The following SLC24A2 variants were observed in gnomAD, a reference collection of about 807,000 sequenced individuals.
SLC24A2 encodes sodium/potassium/calcium exchanger 2.
In SLC24A2, 36 loss-of-function variants were observed where a neutral mutation model predicts 62.0. The observed-to-expected ratio is 0.58, with a 90% CI of 0.44 to 0.77. The LOEUF (loss-of-function observed/expected upper bound fraction) is 0.77. Ranked by LOEUF, SLC24A2 falls within the 30% of genes least tolerant of loss-of-function variation. The probability of loss-of-function intolerance (pLI) is 0.00; values close to 1 mark genes in which losing one functional copy is unlikely to be tolerated. For synonymous variants in SLC24A2, 358 were observed against 294.0 expected, an observed-to-expected ratio of 1.22 and a Z score of -2.23; for missense variants, 846 against 817.9, an observed-to-expected ratio of 1.03 and a Z score of -0.42.
chr9:19,620,811 A>C (rs2117902216), intron 3 of SLC24A2, among the ~76,000 whole-genome samples: 1 of 152,344 alleles, frequency 6.6e-6, no homozygotes, highest in African/African-American at 2.4e-5. Context: ...TCAGCGTAAA[A>C]GTTTGACAGG....
chr9:20,178,698 T>C, the SLC24A2 span, among the ~76,000 whole-genome samples: 3 of 152,162 alleles, frequency 2.0e-5, no homozygotes, highest in Non-Finnish European at 2.9e-5. Flanking sequence ...CTGGCTGGCA[T>C]TGACCCCTGC....
chr9:20,071,856 T>C, the SLC24A2 span, among the ~76,000 whole-genome samples: 2 of 152,056 alleles, frequency 1.3e-5, no homozygotes, highest in Admixed American at 1.3e-4. Context: ...ACCTCCTCTT[T>C]GGGTTTAATT....
chr9:19,793,176 G>A (rs1307617825), upstream of SLC24A2, among the ~76,000 whole-genome samples: 1 of 152,224 alleles, frequency 6.6e-6, no homozygotes, highest in Non-Finnish European at 1.5e-5. Flanking sequence ...GTTATGTTAT[G>A]ATAACAAAAA....
chr9:19,628,333 T>C (rs1483193507), intron 2 of SLC24A2, among the ~76,000 whole-genome samples: 1 of 152,182 alleles, frequency 6.6e-6, no homozygotes, highest in African/African-American at 2.4e-5. Flanking sequence ...CAATTAAAGG[T>C]TAATCTTTCT....
At chr9:20,054,814 A>G in the SLC24A2 span, among the ~76,000 whole-genome samples, 1 of 152,236 alleles carries the variant, frequency 6.6e-6, no homozygotes. Flanking sequence ...GTTAAATTAC[A>G]TAAGTAAATA....
chr9:19,700,321 C>T (rs909395556), intron 2 of SLC24A2, among the ~76,000 whole-genome samples: 1 of 152,134 alleles, frequency 6.6e-6, no homozygotes, highest in Non-Finnish European at 1.5e-5. Flanking sequence ...TGTTAGCTTT[C>T]TTCCTTTCTT....
chr9:20,106,233 G>C, the SLC24A2 span, among the ~76,000 whole-genome samples: 1 of 152,132 alleles, frequency 6.6e-6, no homozygotes, highest in Admixed American at 6.5e-5. Context: ...AAGAGTCCAG[G>C]AACAGATGGA....
intron 2 of SLC24A2, among the ~76,000 whole-genome samples, chr9:19,734,296 G>C (rs1821431417): frequency 6.6e-6 from 1 of 152,172 alleles, no homozygotes; most frequent in Admixed American, 6.5e-5. Context: ...TAGCCTTGTA[G>C]TATAGTTTGA....
chr9:20,128,528 A>G, the SLC24A2 span, among the ~76,000 whole-genome samples: 40 of 152,164 alleles, frequency 2.6e-4, no homozygotes, highest in African/African-American at 9.2e-4. Context: ...TGTTAAAACC[A>G]TATTAATCAG....
the SLC24A2 span, among the ~76,000 whole-genome samples, chr9:20,153,134 A>C: frequency 2.0e-5 from 3 of 151,958 alleles, no homozygotes; most frequent in South Asian, 6.2e-4. Context: ...ATTCCAAAAC[A>C]AAGCTGTTAA....
At chr9:20,257,886 A>G in the SLC24A2 span, among the ~76,000 whole-genome samples, 6 of 152,322 alleles carry the variant, frequency 3.9e-5, no homozygotes, top group South Asian at 1.2e-3. Context: ...AGTGTTTTCC[A>G]TGACACTGGC....
the SLC24A2 span, among the ~76,000 whole-genome samples, chr9:19,875,700 A>G: frequency 1.3e-5 from 2 of 152,226 alleles, no homozygotes; most frequent in Non-Finnish European, 2.9e-5. Context: ...ATCAGTTGTG[A>G]ACTACAGTGA....
chr9:19,711,910 G>C (rs1200774928), intron 2 of SLC24A2, among the ~76,000 whole-genome samples: 1 of 152,128 alleles, frequency 6.6e-6, no homozygotes, highest in Admixed American at 6.5e-5. Flanking sequence ...CAACCCAAAA[G>C]GACTTCAGGA....
the SLC24A2 span, among the ~76,000 whole-genome samples, chr9:20,273,697 T>C: frequency 6.6e-6 from 1 of 152,200 alleles, no homozygotes; most frequent in Non-Finnish European, 1.5e-5. Context: ...AACCTCTTTC[T>C]TTTGTAAATT....
At chr9:19,881,721 G>A in the SLC24A2 span, among the ~76,000 whole-genome samples, 1 of 152,126 alleles carries the variant, frequency 6.6e-6, no homozygotes, top group African/African-American at 2.4e-5. Context: ...TTTTGCTGTA[G>A]ACAGAGTCAA....
the SLC24A2 span, among the ~76,000 whole-genome samples, chr9:20,168,243 A>G: frequency 1.3e-5 from 2 of 152,054 alleles, no homozygotes; most frequent in Non-Finnish European, 2.9e-5. Context: ...TCAATCTGAT[A>G]AAGAGTATAA....
chr9:19,802,715 C>T, the SLC24A2 span, among the ~76,000 whole-genome samples: 47 of 151,964 alleles, frequency 3.1e-4, no homozygotes, highest in Admixed American at 5.9e-4. Context: ...TGAAATTGTG[C>T]GGAAGTCCAG....
chr9:19,948,147 A>G, the SLC24A2 span, among the ~76,000 whole-genome samples: 1 of 152,176 alleles, frequency 6.6e-6, no homozygotes, highest in East Asian at 1.9e-4. Context: ...TATAACCTGC[A>G]CAAGTGACTG....
At chr9:20,096,229 G>A in the SLC24A2 span, among the ~76,000 whole-genome samples, 1 of 152,198 alleles carries the variant, frequency 6.6e-6, no homozygotes, top group Non-Finnish European at 1.5e-5. Flanking sequence ...TTGTTATAGA[G>A]TATGCAACCT....
Sources: allele counts gnomAD v4.1 joint callset (sites outside exome capture counted in the v4.1 genomes callset), GRCh38; gene constraint gnomAD v4.1.1; transcripts MANE v1.5; gene names NCBI Gene and HGNC (gene_info 2026-07-23, HGNC 2026-07-21).